Variants in AZU1 observed in about 807,000 individuals in gnomAD.
AZU1 encodes azurocidin.
AZU1 carries 21 observed loss-of-function variants against 17.8 expected under a neutral mutation model. The observed-to-expected ratio is 1.18, with a 90% CI of 0.84 to 1.70. The LOEUF is 1.70. AZU1 is among the 40% of genes most tolerant of loss of function. The probability of loss-of-function intolerance (pLI) is 0.00; values close to 1 mark genes in which losing one functional copy is unlikely to be tolerated. For missense variants in AZU1, 379 were observed against 362.9 expected (o/e 1.04, Z -0.36); for synonymous variants, 178 against 155.2 (o/e 1.15, Z -1.09).
Position 829,607 on chromosome 19 carries a change from G to A in AZU1, c.261G>A (p.Arg87=). 6.2e-7 allele frequency: 1 copy of A among 1,613,318 alleles called. No individual in the cohort carries two copies. Among genetic ancestry groups the A allele is most frequent in the South Asian group, 1.1e-5 (1 of 91,082 alleles). Residue 87 remains arginine, a synonymous_variant, in exon 3 of 5, where the codon AGG becomes AGA. Transcript: ENST00000233997. ...STVVLGAYDL[R]RRERQSRQTF... ...TGGTGCTGGGTGCCTATGACCTGAG[G>A]CGGCGGGAGAGGCAGTCCCGCCAGA...
At chr19:829,751 G>A (rs559384714) in intron 3 of AZU1, 45 bp downstream of exon 3, 116 of 1,593,358 alleles carry the variant, frequency 7.3e-5, no homozygotes, top group Non-Finnish European at 9.5e-5. Context: ...TCGGGAGGCC[G>A]ACGTTAGCCA....
Position 828,302 on chromosome 19 carries a change from T to A in AZU1, c.131T>A (p.Ile44Asn). Residue 44 changes from isoleucine (I) to asparagine (N), a missense_variant, in exon 2 of 5, where the codon ATT (isoleucine) becomes AAT (asparagine). Ile to Asn is a moderately radical substitution (Grantham distance 149). Transcript: ENST00000233997. ...CGCCAGTTCCCGTTCCTGGCCTCCA[T>A]TCAGAATCAAGGCAGGCACTTCTGC... is the stretch of plus-strand genomic sequence containing the variant. ...RPRQFPFLASIQNQGRHFCGG... is the reference protein window; with the variant it reads ...RPRQFPFLASNQNQGRHFCGG... 1 of 1,611,652 alleles carries A rather than the reference T, an allele frequency of 6.2e-7. No individual in the cohort carries two copies. Among genetic ancestry groups the A allele is most frequent in the Non-Finnish European group, 8.5e-7 (1 of 1,179,510 alleles).
In AZU1 at chr19:829,328, C is replaced by T. The variant is rs371663065; in HGVS notation, c.216-234C>T. On this transcript the variant is annotated intron_variant, in intron 2 of 4. Coordinates refer to ENST00000233997, the MANE Select transcript of AZU1 (RefSeq NM_001700.5). ...GAAGGGACTCAGATGGAGGAGGGGG[C>T]GCAGAGAAGAGAAGGGGCTCAGATG... is the stretch of plus-strand genomic sequence containing the variant. Among the ~76,000 whole-genome samples the T allele has an allele frequency of 7.0e-5, 7 of 100,532 alleles. No individual in the cohort carries two copies. In the East Asian group the frequency reaches 1.4e-3, roughly 20 times the overall value. The allele number at this position is 100,532 out of a possible 152,430, so 66.0% of individuals were successfully genotyped here.
At chr19:829,936 ATGTGTGTGTGTGTGTGTG>A (rs59995493) in intron 3 of AZU1, among the ~76,000 whole-genome samples, 4 of 137,766 alleles carry the variant, frequency 2.9e-5, no homozygotes, top group Non-Finnish European at 4.6e-5. Context: ...AAAAATATAT[ATGTGTGTGTGTGTGTGTG>A]TGTGTGTGTG....
At chr19:830,640 C>T in intron 3 of AZU1, 68 bp from the exon 4 acceptor site, 9 of 1,318,424 alleles carry the variant, frequency 6.8e-6, no homozygotes, top group Non-Finnish European at 9.2e-6. Flanking sequence ...GACACTTCTG[C>T]TCCCAGGGGT....
At position 829,582 on chromosome 19, in the gene AZU1, T is replaced by A. The variant is rs1231186283; in HGVS notation, c.236T>A (p.Val79Glu). Reference sequence around the variant, plus strand: ...CTCAGGAACCCCGGGGTTAGCACCGTGGTGCTGGGTGCCTATGACCTGAGG... The same window carrying A: ...CTCAGGAACCCCGGGGTTAGCACCGAGGTGCTGGGTGCCTATGACCTGAGG... Reference protein sequence around the residue: ...FQSQNPGVSTVVLGAYDLRRR... With the variant: ...FQSQNPGVSTEVLGAYDLRRR... The change falls in exon 3 of 5, where the codon GTG becomes GAG. Residue 79 changes from valine to glutamate, a missense_variant. Physicochemically the swap from Val to Glu is moderately radical, Grantham distance 121 (BLOSUM62 -2). Transcript: ENST00000233997. The A allele has an allele frequency of 6.2e-7, 1 of 1,613,062 alleles. No homozygotes were observed. The highest frequency in any genetic ancestry group is 1.3e-5 in the African/African-American group (1 of 74,878).
rs1339589447 is a variant in AZU1, at chr19:829,531, C to T, written c.216-31C>T. ...TGTGCCCAGGCCCCAGCCTGGTGTC[C>T]TCCCTCTGCCCTTTCCTCCGCTACT... On this transcript the variant is annotated intron_variant, in intron 2 of 4. Transcript: ENST00000233997. The T allele has an allele frequency of 3.1e-5, 49 of 1,606,460 alleles. 1 individual carries two copies. In the Admixed American group the frequency reaches 7.9e-4, roughly 26 times the overall value.
rs1325240136 is a variant in AZU1, at chr19:831,837, T to TCGATGGTGTTCTCAACAACCCGGGAC, written c.719_744dup (p.Gly249MetfsTer?). ...CGAGTGGCGCTCTTCCGAGACTGGA[T>TCGATGGTGTTCTCAACAACCCGGGAC]CGATGGTGTTCTCAACAACCCGGGA... On this transcript the variant is annotated frameshift_variant, in exon 5 of 5. Coordinates refer to ENST00000233997, the MANE Select transcript of AZU1 (RefSeq NM_001700.5). LOFTEE classifies it low-confidence loss of function (END_TRUNC). 6.2e-7 allele frequency: 1 copy of TCGATGGTGTTCTCAACAACCCGGGAC among 1,612,610 alleles called. No homozygotes were observed. The highest frequency in any genetic ancestry group is 1.1e-5 in the South Asian group (1 of 91,064).
At chr19:831,414 C>T (rs957452833) in intron 4 of AZU1, 2 of 416,080 alleles carry the variant, frequency 4.8e-6, no homozygotes, top group African/African-American at 4.1e-5. Flanking sequence ...CTGTGAGCCA[C>T]GTCTGTGCTG....
chr19:828,342 C>T lies in AZU1; in HGVS notation c.171C>T (p.Ile57=), dbSNP rs976587095. The T allele has an allele frequency of 1.2e-5, 19 of 1,605,240 alleles. No homozygotes were observed. Among genetic ancestry groups the T allele is most frequent in the East Asian group, 2.2e-5 (1 of 44,488 alleles). The change falls in exon 2 of 5, where the codon ATC becomes ATT. Residue 57 remains isoleucine (I), a synonymous_variant. Transcript: ENST00000233997. ...GGCACTTCTGCGGGGGTGCCCTGAT[C>T]CATGCCCGCTTCGTGATGACCGCGG... ...QGRHFCGGAL[I]HARFVMTAAS... is the part of the protein sequence containing the mutation.
intron 4 of AZU1, 141 bp downstream of exon 4, chr19:831,082 T>TTA: frequency 2.4e-6 from 1 of 412,436 alleles, no homozygotes; most frequent in Middle Eastern, 6.6e-4. Flanking sequence ...AACAGTATCT[T>TTA]TTTTTTTTTT....
In AZU1 at chr19:830,807, TG is replaced by T; in HGVS notation, c.465del (p.Ser156AlafsTer17). On this transcript the variant is annotated frameshift_variant, in exon 4 of 5. Transcript: ENST00000233997. LOFTEE classifies it high-confidence loss of function. ...EAGTRCQVAG[W>X]GSQRSGGRLS... The stretch of plus-strand genomic sequence containing the variant: ...CGGCACCAGATGCCAGGTGGCCGGC[TG>T]GGGGAGCCAGCGCAGTGGGGGGCGT... 3 of 1,607,018 alleles carry T rather than the reference TG, an allele frequency of 1.9e-6. No individual in the cohort carries two copies.
At chr19:829,417 T>C (rs2035258391) in intron 2 of AZU1, 145 bp from the exon 3 acceptor site, 2 of 1,175,310 alleles carry the variant, frequency 1.7e-6, no homozygotes, top group Non-Finnish European at 2.4e-6. Flanking sequence ...AAGTCTCGGC[T>C]CTGCTTCTGT....
chr19:827,936 T>C, intron 1 of AZU1, 32 bp downstream of exon 1: 1 of 1,536,262 alleles, frequency 6.5e-7, no homozygotes, highest in Non-Finnish European at 8.7e-7. Context: ...TGGTCCCCCA[T>C]CTGTGCTAGG....
chr19:831,485 G>C, intron 4 of AZU1: 1 of 542,658 alleles, frequency 1.8e-6, no homozygotes, highest in South Asian at 2.8e-5. Context: ...GCGTGTGATT[G>C]CCAGGGGAGG....
intron 2 of AZU1, 70 bp downstream of exon 2, chr19:828,456 T>C: frequency 7.3e-7 from 1 of 1,378,698 alleles, no homozygotes; most frequent in Non-Finnish European, 9.5e-7. Flanking sequence ...GGCTTAGGCA[T>C]TCAGTGGGGG....
Position 830,938 on chromosome 19 carries a change from C to CA in AZU1, c.593dup (p.Asn198LysfsTer30), listed in dbSNP as rs2035280806. ...TGCTCACCCGCCGCGGTGGCATCTG[C>CA]AATGTGAGTGCTCCCTGTGGCGGGA... On this transcript the variant is annotated frameshift_variant, in exon 4 of 5. Coordinates refer to ENST00000233997, the MANE Select transcript of AZU1 (RefSeq NM_001700.5). LOFTEE classifies it low-confidence loss of function (END_TRUNC). 2 of 1,600,700 alleles carry CA rather than the reference C, an allele frequency of 1.2e-6. No homozygotes were observed. Among genetic ancestry groups the CA allele is most frequent in the Non-Finnish European group, 1.7e-6 (2 of 1,179,684 alleles).
At position 831,241 on chromosome 19, in the gene AZU1, C is replaced by T. The variant is rs556231864; in HGVS notation, c.594+300C>T. 52 of 388,748 alleles carry T rather than the reference C, an allele frequency of 1.3e-4. 1 individual carries two copies. In the South Asian group the frequency reaches 1.7e-3, roughly 13 times the overall value. The allele number at this position is 388,748 out of a possible 1,614,324, so 24.1% of individuals were successfully genotyped here. A position where few individuals can be genotyped will look rare whatever the true frequency, so the allele number is the denominator to read the frequency against. On this transcript the variant is annotated intron_variant, in intron 4 of 4. Coordinates refer to ENST00000233997, the MANE Select transcript of AZU1 (RefSeq NM_001700.5). ...GATTACAGGCATGCGCCACCACGCC[C>T]GGCTAATTTTGTATTTTTAGTAGAG...
chr19:830,791 A>G lies in AZU1; in HGVS notation c.444A>G (p.Arg148=). ...ACGCCACGGTGGAAGCCGGCACCAG[A>G]TGCCAGGTGGCCGGCTGGGGGAGCC... The part of the protein sequence containing the change: ...LQNATVEAGT[R]CQVAGWGSQR... The change falls in exon 4 of 5, where the codon AGA becomes AGG. Residue 148 remains arginine, a synonymous_variant. Transcript: ENST00000233997. 1 of 1,606,230 alleles carries G rather than the reference A, an allele frequency of 6.2e-7. No homozygotes were observed. Among genetic ancestry groups the G allele is most frequent in the Non-Finnish European group, 8.5e-7 (1 of 1,179,888 alleles).
Sources: allele counts gnomAD v4.1 joint callset (sites outside exome capture counted in the v4.1 genomes callset), GRCh38; gene constraint gnomAD v4.1.1; transcripts MANE v1.5; gene names NCBI Gene and HGNC (gene_info 2026-07-23, HGNC 2026-07-21).